FAM177A1: variants seen among roughly 807,000 people sequenced by gnomAD.
The protein encoded by FAM177A1 is family with sequence similarity 177 member A1.
FAM177A1 carries 22 observed loss-of-function variants against 26.1 expected under a neutral mutation model. That is an observed-to-expected ratio of 0.84 (90% CI 0.60 to 1.20). The LOEUF (loss-of-function observed/expected upper bound fraction) is 1.20, where lower values mean the gene tolerates loss of function less well. FAM177A1 is among the 50% of genes most tolerant of loss of function. FAM177A1 has a pLI of 0.00. For missense variants in FAM177A1, 296 were observed against 291.1 expected (o/e 1.02, Z -0.12); for synonymous variants, 95 against 99.3 (o/e 0.96, Z 0.26).
intron 4 of FAM177A1, among the ~76,000 whole-genome samples, chr14:35,079,241 A>G (rs921638667): frequency 5.3e-5 from 8 of 152,216 alleles, no homozygotes; most frequent in African/African-American, 1.9e-4. Flanking sequence ...AAACTAAGCT[A>G]GATTTCATTG....
intron 4 of FAM177A1, among the ~76,000 whole-genome samples, chr14:35,080,067 G>A (rs1171194544): frequency 1.3e-5 from 2 of 150,502 alleles, no homozygotes; most frequent in African/African-American, 4.9e-5. Context: ...CTATTCTCAA[G>A]CAAGCCCCAG....
chr14:35,060,564 A>G (rs2045135985), intron 2 of FAM177A1, among the ~76,000 whole-genome samples: 1 of 152,004 alleles, frequency 6.6e-6, no homozygotes, highest in Non-Finnish European at 1.5e-5. Flanking sequence ...ATTATATATT[A>G]TAGCAACTCT....
upstream of FAM177A1, chr14:35,046,242 G>C: frequency 2.4e-6 from 1 of 419,946 alleles, no homozygotes; most frequent in South Asian, 5.5e-5. Flanking sequence ...GCCCCGCCCC[G>C]CCCCGCGCGA....
chr14:35,047,029 A>C, intron 1 of FAM177A1: 1 of 1,008,664 alleles, frequency 9.9e-7, no homozygotes, highest in Non-Finnish European at 1.2e-6. Flanking sequence ...TTTGCTTGGC[A>C]TATGCCAAAC....
At chr14:35,060,426 G>A (rs975298944) in intron 2 of FAM177A1, among the ~76,000 whole-genome samples, 1 of 150,502 alleles carries the variant, frequency 6.6e-6, no homozygotes, top group Non-Finnish European at 1.5e-5. Flanking sequence ...TTTTTTTTCT[G>A]TTAAATCCAG....
At chr14:35,049,740 G>A (rs1469565043) in intron 1 of FAM177A1, among the ~76,000 whole-genome samples, 3 of 152,012 alleles carry the variant, frequency 2.0e-5, no homozygotes, top group East Asian at 1.9e-4. Flanking sequence ...AGCCAAGATC[G>A]CACCACTGCA....
At chr14:35,073,309 A>G (rs1212951655) in intron 2 of FAM177A1, among the ~76,000 whole-genome samples, 3 of 152,162 alleles carry the variant, frequency 2.0e-5, no homozygotes, top group Admixed American at 6.5e-5. Context: ...AGCTCAGGTA[A>G]TCTGCCCGCC....
chr14:35,077,324 A>G, intron 3 of FAM177A1, 108 bp downstream of exon 3: 1 of 978,744 alleles, frequency 1.0e-6, no homozygotes, highest in Non-Finnish European at 1.6e-6. Context: ...ATAGGGAGTT[A>G]ATCACTGTCC....
At chr14:35,080,706 C>G (rs2045467512) in intron 4 of FAM177A1, among the ~76,000 whole-genome samples, 1 of 152,036 alleles carries the variant, frequency 6.6e-6, no homozygotes. Flanking sequence ...GAGGCTGAGG[C>G]AGGAGAATTG....
At chr14:35,069,558 T>G (rs906895878) in intron 2 of FAM177A1, among the ~76,000 whole-genome samples, 2 of 152,122 alleles carry the variant, frequency 1.3e-5, no homozygotes, top group East Asian at 1.9e-4. Flanking sequence ...GTGCTGGGAT[T>G]ACAGGCATGA....
chr14:35,066,466 C>T (rs1391666978), intron 2 of FAM177A1, among the ~76,000 whole-genome samples: 4 of 147,910 alleles, frequency 2.7e-5, no homozygotes, highest in African/African-American at 7.6e-5. Context: ...AGTGCAGTGG[C>T]GTAATCTCGG....
chr14:35,070,749 T>G (rs998346351), intron 2 of FAM177A1, among the ~76,000 whole-genome samples: 1 of 152,194 alleles, frequency 6.6e-6, no homozygotes, highest in Non-Finnish European at 1.5e-5. Context: ...TTGGCCTAGT[T>G]AATTCCACCT....
chr14:35,047,685 G>T (rs2044891677), intron 1 of FAM177A1, among the ~76,000 whole-genome samples: 1 of 152,088 alleles, frequency 6.6e-6, no homozygotes, highest in Non-Finnish European at 1.5e-5. Flanking sequence ...GGAGGTGGAG[G>T]TTGCAGTGAG....
intron 2 of FAM177A1, among the ~76,000 whole-genome samples, chr14:35,062,417 A>G (rs2045173102): frequency 6.6e-6 from 1 of 152,116 alleles, no homozygotes; most frequent in African/African-American, 2.4e-5. Context: ...CCTGGGTGAT[A>G]AGAAATCTTT....
intron 4 of FAM177A1, 61 bp downstream of exon 4, chr14:35,079,085 C>G: frequency 8.0e-7 from 1 of 1,248,898 alleles, no homozygotes; most frequent in Non-Finnish European, 1.1e-6. Context: ...TGATGGGTTG[C>G]ATAATGAGCC....
At chr14:35,071,936 G>C (rs908099200) in intron 2 of FAM177A1, among the ~76,000 whole-genome samples, 1 of 152,146 alleles carries the variant, frequency 6.6e-6, no homozygotes, top group Non-Finnish European at 1.5e-5. Context: ...TATTTCTTAT[G>C]TTATATGTAT....
At position 35,081,021 on chromosome 14, in the gene FAM177A1, GGAA is replaced by G. The variant is rs756991070; in HGVS notation, c.523_525del (p.Glu175del). Reference sequence around the variant, plus strand: ...TTCTTGATATTGCTCCTTTTTTTTAGGAAGAAGAAGAAGAAGAAGAAAACAGGA... The same window carrying G: ...TTCTTGATATTGCTCCTTTTTTTTAGGAAGAAGAAGAAGAAGAAAACAGGA... On this transcript the variant is annotated inframe_deletion and splice_region_variant, in exon 5 of 5. Coordinates refer to ENST00000280987, the MANE Select transcript of FAM177A1 (RefSeq NM_173607.5). 539 of 1,579,524 alleles carry G rather than the reference GGAA, an allele frequency of 3.4e-4. 1 individual carries two copies. The highest frequency in any genetic ancestry group is 1.5e-3 in the South Asian group (131 of 86,946).
chr14:35,059,090 CA>C (rs2045109228), intron 2 of FAM177A1, among the ~76,000 whole-genome samples: 1 of 152,018 alleles, frequency 6.6e-6, no homozygotes, highest in Non-Finnish European at 1.5e-5. Context: ...TGCGTGCCAC[CA>C]CACCCAGCTA....
intron 2 of FAM177A1, among the ~76,000 whole-genome samples, chr14:35,075,646 A>AT (rs2045383052): frequency 1.3e-5 from 2 of 152,242 alleles, no homozygotes; most frequent in Admixed American, 6.5e-5. Flanking sequence ...AGAAGCTACC[A>AT]TCAGAGTGAA....
Sources: allele counts gnomAD v4.1 joint callset (sites outside exome capture counted in the v4.1 genomes callset), GRCh38; gene constraint gnomAD v4.1.1; transcripts MANE v1.5; gene names NCBI Gene and HGNC (gene_info 2026-07-23, HGNC 2026-07-21).